CDYL: variants seen among roughly 807,000 people sequenced by gnomAD.
The protein encoded by CDYL is chromodomain Y-like protein.
In CDYL, 8 loss-of-function variants were observed where a neutral mutation model predicts 47.3. The observed-to-expected ratio is 0.17, with a 90% CI of 0.10 to 0.31. The LOEUF is 0.31. Among genes scored for constraint, CDYL ranks in the 10% least tolerant of loss-of-function variants. CDYL has a pLI of 1.00. For synonymous variants in CDYL, 266 were observed against 265.0 expected, an observed-to-expected ratio of 1.00 and a Z score of -0.04; for missense variants, 471 against 701.4, an observed-to-expected ratio of 0.67 and a Z score of 3.71.
At chr6:4,885,446 A>G (rs769667437) in intron 1 of CDYL, among the ~76,000 whole-genome samples, 17 of 152,192 alleles carry the variant, frequency 1.1e-4, no homozygotes, top group Non-Finnish European at 2.5e-4. Context: ...TAGCTGGTTC[A>G]GTTATCAGAT....
intron 2 of CDYL, among the ~76,000 whole-genome samples, chr6:4,725,527 G>A (rs1285607187): frequency 6.6e-6 from 1 of 152,268 alleles, no homozygotes; most frequent in Non-Finnish European, 1.5e-5. Context: ...GAGCACAGCA[G>A]CTGCTGGCCC....
chr6:4,897,603 A>G (rs911851034), intron 2 of CDYL, among the ~76,000 whole-genome samples: 1 of 151,998 alleles, frequency 6.6e-6, no homozygotes, highest in African/African-American at 2.4e-5. Flanking sequence ...TTAGAACTTA[A>G]CCCCAGGGAA....
In CDYL at chr6:4,781,526, T is replaced by G. The variant is rs1463319826; in HGVS notation, c.24+4719T>G. On this transcript the variant is annotated intron_variant, in intron 1 of 6. Coordinates refer to ENST00000397588, the MANE Select transcript of CDYL (RefSeq NM_004824.4). ...GTGTTTTGACAATAATAGCCTATCT[T>G]AAATGCTCTTTTTCCTGTGAGTTGC... Among the ~76,000 whole-genome samples, 4 of 152,194 alleles carry G rather than the reference T, an allele frequency of 2.6e-5. No homozygotes were observed. The South Asian group carries it at 8.3e-4, about 32-fold the overall frequency.
intron 1 of CDYL, among the ~76,000 whole-genome samples, chr6:4,707,359 A>C (rs6597088): frequency 1 from 152,254 of 152,324 alleles, 76,093 homozygotes; most frequent in Middle Eastern, 1. Flanking sequence ...CCCACTGCAA[A>C]CTCTGTCTCC....
Position 4,952,530 on chromosome 6 carries a change from C to T in CDYL, c.1476+121C>T, listed in dbSNP as rs534157277. ...ACGTTTGTCCTCAACAGAGCACCTT[C>T]CCGTGAAGTCCTGCCAGAACCTATT... On this transcript the variant is annotated intron_variant, in intron 6 of 6. Transcript: ENST00000397588. The T allele has an allele frequency of 9.3e-6, 10 of 1,080,868 alleles. No homozygotes were observed. In the Admixed American group the frequency reaches 2.4e-4, roughly 26 times the overall value. 67.0% of individuals were successfully genotyped at this position (1,080,868 alleles called of 1,614,324 possible).
chr6:4,772,202 G>C (rs1326647943), upstream of CDYL, among the ~76,000 whole-genome samples: 1 of 152,224 alleles, frequency 6.6e-6, no homozygotes, highest in Non-Finnish European at 1.5e-5. Flanking sequence ...CAAATGTTAA[G>C]AGGTCTCAGA....
At chr6:4,951,651 G>A (rs1016093072) in intron 5 of CDYL, among the ~76,000 whole-genome samples, 13 of 151,828 alleles carry the variant, frequency 8.6e-5, no homozygotes, top group East Asian at 5.8e-4. Context: ...CTGTCTTTTC[G>A]TATCCAAGCG....
intron 3 of CDYL, among the ~76,000 whole-genome samples, chr6:4,750,786 C>T (rs1025923938): frequency 4.6e-5 from 7 of 151,578 alleles, no homozygotes; most frequent in African/African-American, 7.3e-5. Context: ...AAAAATCACG[C>T]GTGTCTTTCT....
chr6:4,842,396 G>C (rs1200696087), intron 1 of CDYL, among the ~76,000 whole-genome samples: 1 of 151,432 alleles, frequency 6.6e-6, no homozygotes, highest in African/African-American at 2.4e-5. Flanking sequence ...TTATTGTGTT[G>C]CTATCTCATT....
rs77802003 is a variant in CDYL at position 4,846,952 on chromosome 6, C to T, written c.25-44761C>T. Among the ~76,000 whole-genome samples, 1,440 of 152,228 alleles carry T rather than the reference C, an allele frequency of 9.5e-3. 27 individuals are homozygous for T. Among genetic ancestry groups the T allele is most frequent in the African/African-American group, 0.033 (1,361 of 41,528 alleles). On this transcript the variant is annotated intron_variant, in intron 1 of 6. Coordinates refer to ENST00000397588, the MANE Select transcript of CDYL (RefSeq NM_004824.4). ...TCCCATTTTGGTCAGCAAAGTAGCC[C>T]CCTATTAGGTTTCTGCAGTAGTCTC...
chr6:4,861,592 A>G (rs1325075137), intron 1 of CDYL, among the ~76,000 whole-genome samples: 1 of 152,180 alleles, frequency 6.6e-6, no homozygotes, highest in Admixed American at 6.5e-5. Flanking sequence ...GTCTAATATG[A>G]TGTCTAAGGC....
intron 3 of CDYL, among the ~76,000 whole-genome samples, chr6:4,769,966 TG>T (rs1758314160): frequency 2.1e-4 from 5 of 23,640 alleles, no homozygotes; most frequent in African/African-American, 9.3e-4. Context: ...CCGGCTAATT[TG>T]TGTGTGTGTG....
intron 1 of CDYL, among the ~76,000 whole-genome samples, chr6:4,710,348 A>G (rs28722506): frequency 1.4e-5 from 1 of 73,910 alleles, no homozygotes; most frequent in South Asian, 5.8e-4. Context: ...AGGGAGGGAG[A>G]AAGGGAGGGA....
chr6:4,916,858 A>C (rs1757570545), intron 2 of CDYL, among the ~76,000 whole-genome samples: 1 of 152,162 alleles, frequency 6.6e-6, no homozygotes, highest in Admixed American at 6.5e-5. Context: ...GGTACCCCGG[A>C]TGGAGGCCTG....
At chr6:4,825,492 C>T (rs143829615) in intron 1 of CDYL, among the ~76,000 whole-genome samples, 1 of 152,154 alleles carries the variant, frequency 6.6e-6, no homozygotes, top group East Asian at 1.9e-4. Context: ...CATAAATGTC[C>T]TTATCATGTT....
At chr6:4,810,413 A>G (rs9504258) in intron 1 of CDYL, among the ~76,000 whole-genome samples, 4,929 of 152,322 alleles carry the variant, frequency 0.032, 85 homozygotes, top group Middle Eastern at 0.085. Context: ...GTCTAGTACC[A>G]GTTAACTATG....
chr6:4,926,042 T>C (rs1398481135), intron 2 of CDYL, among the ~76,000 whole-genome samples: 1 of 152,226 alleles, frequency 6.6e-6, no homozygotes, highest in Non-Finnish European at 1.5e-5. Flanking sequence ...CACCGAGTTT[T>C]TTATTGGAAG....
At chr6:4,870,875 TGTC>T (rs894046875) in intron 1 of CDYL, among the ~76,000 whole-genome samples, 2 of 152,228 alleles carry the variant, frequency 1.3e-5, no homozygotes, top group Non-Finnish European at 2.9e-5. Flanking sequence ...TTTGAGTCAT[TGTC>T]GTCATGTTTT....
chr6:4,764,189 A>T (rs9504243), intron 3 of CDYL, among the ~76,000 whole-genome samples: 2,689 of 152,356 alleles, frequency 0.018, 47 homozygotes, highest in African/African-American at 0.041. Flanking sequence ...TGTAAGAGAC[A>T]TGTAAAACTT....
Sources: allele counts gnomAD v4.1 joint callset (sites outside exome capture counted in the v4.1 genomes callset), GRCh38; gene constraint gnomAD v4.1.1; transcripts MANE v1.5; gene names NCBI Gene and HGNC (gene_info 2026-07-23, HGNC 2026-07-21).